The following IPO11 variants were observed in gnomAD, a reference collection of about 807,000 sequenced individuals.
The protein encoded by IPO11 is importin-11.
In IPO11, 66 loss-of-function variants were observed where a neutral mutation model predicts 143.2. The ratio of observed to expected loss-of-function variants is 0.46; its 90% CI spans 0.38 to 0.57. The LOEUF is 0.57. IPO11 is among the 20% of genes least tolerant of loss of function. The pLI, the probability that IPO11 is intolerant of heterozygous loss-of-function variation, is 0.00. For missense variants in IPO11, 1,026 were observed against 1,141.0 expected (o/e 0.90, Z 1.45); for synonymous variants, 385 against 377.8 (o/e 1.02, Z -0.22).
At chr5:62,540,262 C>T (rs1742884675) in intron 24 of IPO11, among the ~76,000 whole-genome samples, 2 of 152,016 alleles carry the variant, frequency 1.3e-5, no homozygotes, top group Admixed American at 6.6e-5. Flanking sequence ...CCTGAGTATA[C>T]TTTGGTCTTC....
rs533923537 is a variant in IPO11 at position 62,419,217 on chromosome 5, G to A, written c.-7+6288G>A. 88 of 1,350,684 alleles carry A rather than the reference G, an allele frequency of 6.5e-5. No homozygotes were observed. The African/African-American group carries it at 1.0e-3, about 16-fold the overall frequency. The allele number at this position is 1,350,684 out of a possible 1,614,324, so 83.7% of individuals were successfully genotyped here. A position where few individuals can be genotyped will look rare whatever the true frequency, so the allele number is the denominator to read the frequency against. ...GTAAAAAATGGTACATCTGTACAGG[G>A]CACTTACCTCGAATGGAGCTTGGAG... is the stretch of plus-strand genomic sequence containing the variant. On this transcript the variant is annotated intron_variant, in intron 1 of 29. Coordinates refer to ENST00000325324, the MANE Select transcript of IPO11 (RefSeq NM_016338.5).
intron 1 of IPO11, among the ~76,000 whole-genome samples, chr5:62,436,874 C>T (rs568990790): frequency 3.3e-5 from 5 of 152,214 alleles, no homozygotes; most frequent in Non-Finnish European, 5.9e-5. Flanking sequence ...GTGTTACTTA[C>T]TGTATGGTTT....
At chr5:62,575,480 T>C (rs1452458373) in intron 27 of IPO11, among the ~76,000 whole-genome samples, 1 of 152,182 alleles carries the variant, frequency 6.6e-6, no homozygotes, top group Non-Finnish European at 1.5e-5. Flanking sequence ...CAGTCTTTTC[T>C]TTTTCTCTTA....
At chr5:62,444,849 A>G (rs1744660337) in intron 3 of IPO11, among the ~76,000 whole-genome samples, 1 of 151,962 alleles carries the variant, frequency 6.6e-6, no homozygotes, top group Non-Finnish European at 1.5e-5. Context: ...AGCCTGGGCG[A>G]CACAGTGAGA....
intron 29 of IPO11, among the ~76,000 whole-genome samples, chr5:62,605,567 TA>T (rs1325914581): frequency 6.6e-6 from 1 of 152,086 alleles, no homozygotes; most frequent in East Asian, 1.9e-4. Context: ...ACCTTTACTA[TA>T]AAGACTTCAG....
chr5:62,432,094 C>G (rs917697015), intron 1 of IPO11, among the ~76,000 whole-genome samples: 2 of 152,178 alleles, frequency 1.3e-5, no homozygotes, highest in Non-Finnish European at 2.9e-5. Context: ...TTGAGCTGGG[C>G]TATTTTCCCA....
intron 15 of IPO11, 64 bp from the exon 16 acceptor site, chr5:62,493,934 T>C: frequency 7.2e-7 from 1 of 1,381,192 alleles, no homozygotes. Context: ...TGATAAATTA[T>C]ACTAAAAGAA....
At chr5:62,413,651 G>A (rs1743197266) in intron 1 of IPO11, among the ~76,000 whole-genome samples, 1 of 152,202 alleles carries the variant, frequency 6.6e-6, no homozygotes, top group African/African-American at 2.4e-5. Flanking sequence ...CAAGGTTGCA[G>A]TTGACATACC....
intron 27 of IPO11, among the ~76,000 whole-genome samples, chr5:62,586,246 T>G (rs1744767559): frequency 6.6e-6 from 1 of 152,210 alleles, no homozygotes; most frequent in African/African-American, 2.4e-5. Flanking sequence ...TATTTTTAAA[T>G]GTGAAATTTT....
intron 24 of IPO11, among the ~76,000 whole-genome samples, chr5:62,545,663 C>T (rs1743144165): frequency 6.6e-6 from 1 of 152,142 alleles, no homozygotes; most frequent in African/African-American, 2.4e-5. Context: ...AGTGAACAGG[C>T]AACCTACAGA....
At position 62,602,628 on chromosome 5, in the gene IPO11, A is replaced by G. The variant is rs199729659; in HGVS notation, c.2763+780A>G. On this transcript the variant is annotated intron_variant, in intron 29 of 29. Coordinates refer to ENST00000325324, the MANE Select transcript of IPO11 (RefSeq NM_016338.5). ...AGTTAGCTGTCATTTTAATCTGATC[A>G]TTGTATTTACACCTCGCATTACAGC... Among the ~76,000 whole-genome samples the G allele has an allele frequency of 2.6e-5, 4 of 152,174 alleles. No homozygotes were observed. The East Asian group carries it at 7.7e-4, about 29-fold the overall frequency.
intron 1 of IPO11, among the ~76,000 whole-genome samples, chr5:62,435,114 A>ATATATGTATATATACGTATATG: frequency 9.8e-6 from 1 of 102,268 alleles, no homozygotes; most frequent in Non-Finnish European, 1.8e-5. Context: ...ATATATGTAT[A>ATATATGTATATATACGTATATG]TATGTATATA....
At chr5:62,559,916 C>CAAAAAA (rs759468696) in intron 26 of IPO11, among the ~76,000 whole-genome samples, 2 of 17,050 alleles carry the variant, frequency 1.2e-4, no homozygotes, top group Non-Finnish European at 1.8e-4. Context: ...AACTCTGTCT[C>CAAAAAA]AAAAAAAAAA....
chr5:62,438,757 A>G (rs1443536526), intron 2 of IPO11, among the ~76,000 whole-genome samples: 1 of 146,702 alleles, frequency 6.8e-6, no homozygotes, highest in African/African-American at 2.5e-5. Flanking sequence ...CATCTCAAAA[A>G]AAAAAGGGGG....
At chr5:62,517,014 C>T (rs888861340) in intron 20 of IPO11, among the ~76,000 whole-genome samples, 8 of 151,680 alleles carry the variant, frequency 5.3e-5, no homozygotes, top group Non-Finnish European at 1.0e-4. Context: ...CTGGCTAACA[C>T]GGTGAAACCC....
chr5:62,480,204 G>A (rs564676423), intron 9 of IPO11, among the ~76,000 whole-genome samples: 3 of 152,020 alleles, frequency 2.0e-5, no homozygotes, highest in Admixed American at 6.6e-5. Flanking sequence ...GAATCCTTTC[G>A]CCATTTCTTG....
chr5:62,416,182 C>CTTCTTTTTTTTTCTTTTCT (rs1743289588), intron 1 of IPO11, among the ~76,000 whole-genome samples: 1 of 123,508 alleles, frequency 8.1e-6, no homozygotes, highest in Non-Finnish European at 1.7e-5. Flanking sequence ...TTTTTCTTTT[C>CTTCTTTTTTTTTCTTTTCT]TTTTTTTTTT....
intron 20 of IPO11, among the ~76,000 whole-genome samples, chr5:62,521,509 G>C (rs576002998): frequency 4.0e-5 from 6 of 151,886 alleles, no homozygotes; most frequent in African/African-American, 9.7e-5. Context: ...GATCATCTCT[G>C]TGTTCCTGTT....
chr5:62,530,334 T>C (rs76047468), intron 21 of IPO11, among the ~76,000 whole-genome samples: 14,071 of 152,222 alleles, frequency 0.092, 664 homozygotes, highest in South Asian at 0.16. Context: ...AACCTGTGTA[T>C]ATGTGTATGT....
Sources: allele counts gnomAD v4.1 joint callset (sites outside exome capture counted in the v4.1 genomes callset), GRCh38; gene constraint gnomAD v4.1.1; transcripts MANE v1.5; gene names NCBI Gene and HGNC (gene_info 2026-07-23, HGNC 2026-07-21).